KIF1A: variants seen among roughly 807,000 people sequenced by gnomAD.
The protein encoded by KIF1A is kinesin-like protein KIF1A.
In KIF1A, 46 loss-of-function variants were observed where a neutral mutation model predicts 227.3. That is an observed-to-expected ratio of 0.20 (90% CI 0.16 to 0.26). KIF1A has a LOEUF of 0.26. Among genes scored for constraint, KIF1A ranks in the 10% least tolerant of loss-of-function variants. The pLI is 1.00. For missense variants in KIF1A, 1,683 were observed against 2,485.9 expected, an observed-to-expected ratio of 0.68 and a Z score of 6.87; for synonymous variants, 1,022 against 1,012.8, an observed-to-expected ratio of 1.01 and a Z score of -0.17.
At chr2:240,720,750 G>C in intron 45 of KIF1A, 164 bp downstream of exon 45, 2 of 753,684 alleles carry the variant, frequency 2.7e-6, no homozygotes, top group Non-Finnish European at 4.1e-6. Context: ...CTCTGAGAGG[G>C]CTGCGGACTC....
intron 38 of KIF1A, 84 bp from the exon 39 acceptor site, chr2:240,727,024 G>T: frequency 2.5e-6 from 2 of 795,740 alleles, no homozygotes; most frequent in South Asian, 1.8e-5. Context: ...CAGACAGAGC[G>T]ACAGACAAGG....
rs191391909 is a variant in KIF1A, at chr2:240,786,260, G to A, written c.608+75C>T. ...GACCCTACCAAAAAGGGCCAGGACCGAGGTGAAGGGGCTTCCTCCGGGGAG... is the reference window on the plus strand; with the variant it reads ...GACCCTACCAAAAAGGGCCAGGACCAAGGTGAAGGGGCTTCCTCCGGGGAG... On this transcript the variant is annotated intron_variant, in intron 6 of 48. Transcript: ENST00000498729. 3.3e-4 allele frequency: 478 copies of A among 1,436,334 alleles called. 2 individuals are homozygous for A. The African/African-American group carries it at 5.8e-3, about 18-fold the overall frequency. 89.0% of individuals were successfully genotyped at this position (1,436,334 alleles called of 1,614,324 possible). A position where few individuals can be genotyped will look rare whatever the true frequency, so the allele number is the denominator to read the frequency against.
chr2:240,820,339 G>T (rs1455371172), upstream of KIF1A: 1 of 151,354 alleles, frequency 6.6e-6, no homozygotes, highest in African/African-American at 2.4e-5. This position sits in a 1 kb window ranked among gnomAD's most constrained non-coding sequence, Gnocchi z 6.2. Context: ...TTTGTCGCGC[G>T]GGGAGAGGGA....
At chr2:240,810,227 A>G (rs2057757180) in intron 1 of KIF1A, among the ~76,000 whole-genome samples, 1 of 152,254 alleles carries the variant, frequency 6.6e-6, no homozygotes, top group African/African-American at 2.4e-5. Context: ...TGCAACACAT[A>G]CAATTCAACG....
chr2:240,718,866 C>G, intron 47 of KIF1A, 140 bp downstream of exon 47: 2 of 676,720 alleles, frequency 3.0e-6, no homozygotes, highest in Non-Finnish European at 4.9e-6. Context: ...AGTCCCTGAG[C>G]CCAGCCTCCG....
chr2:240,720,992 G>C lies in KIF1A; in HGVS notation c.4790C>G (p.Pro1597Arg). The C allele has an allele frequency of 6.2e-7, 1 of 1,610,426 alleles. No homozygotes were observed. Among genetic ancestry groups the C allele is most frequent in the Non-Finnish European group, 8.5e-7 (1 of 1,178,916 alleles). ...VTLLRDPSMS[P>R]LGVATLTPSS... ...GGGGGTGAGAGTGGCCACCCCTAGA[G>C]GGGACATCGACGGGTCCCGGAGCAG... Residue 1597 changes from proline to arginine, a missense_variant, in exon 45 of 49, where the codon CCT (proline) becomes CGT (arginine). Physicochemically the swap from Pro to Arg is moderately radical, Grantham distance 103. Transcript: ENST00000498729.
At chr2:240,761,787 G>A (rs2050563913) in intron 23 of KIF1A, among the ~76,000 whole-genome samples, 1 of 152,236 alleles carries the variant, frequency 6.6e-6, no homozygotes, top group Non-Finnish European at 1.5e-5. Flanking sequence ...TTGTGAGTCA[G>A]GCTGAAGATC....
rs763330712 is a variant in KIF1A, at chr2:240,783,117, C to G, written c.799-8G>C. The G allele has an allele frequency of 1.9e-6, 3 of 1,612,200 alleles. No homozygotes were observed. The highest frequency in any genetic ancestry group is 3.3e-5 in the Admixed American group (2 of 60,012). The stretch of plus-strand genomic sequence containing the variant: ...GTTGATGTTGGCCCCCTCCTGCGGG[C>G]AGAAAAGACAGTGGGGTTGGGATGC... On this transcript the variant is annotated splice_region_variant and splice_polypyrimidine_tract_variant and intron_variant, in intron 8 of 48. Coordinates refer to ENST00000498729, the MANE Select transcript of KIF1A (RefSeq NM_001244008.2).
At position 240,746,073 on chromosome 2, in the gene KIF1A, G is replaced by T. The variant is rs1553630541; in HGVS notation, c.3168C>A (p.Pro1056=). 6.2e-7 allele frequency: 1 copy of T among 1,602,056 alleles called. No homozygotes were observed. The highest frequency in any genetic ancestry group is 1.1e-5 in the South Asian group (1 of 88,798). The change falls in exon 30 of 49, where the codon CCC becomes CCA. Residue 1056 remains proline, a synonymous_variant. Transcript: ENST00000498729. ...EGQGQGADVG[P]SADEVNNNTC... ...TGTTGTTGTTGACTTCATCGGCTGA[G>T]GGCCCCACGTCTGCACCCTGGCCCT...
intron 48 of KIF1A, 40 bp from the exon 49 acceptor site, chr2:240,717,446 A>G: frequency 1.3e-6 from 2 of 1,597,090 alleles, no homozygotes; most frequent in East Asian, 4.5e-5. Context: ...TCAGGCCAGG[A>G]ACACCTGCAG....
chr2:240,732,581 G>C, intron 38 of KIF1A, among the ~76,000 whole-genome samples: 1 of 117,266 alleles, frequency 8.5e-6, no homozygotes, highest in African/African-American at 3.3e-5. Flanking sequence ...GGTATGAGGG[G>C]ATGAGGGAGG....
intron 28 of KIF1A, 30 bp downstream of exon 28, chr2:240,750,399 T>C (rs986909725): frequency 3.9e-6 from 6 of 1,547,968 alleles, no homozygotes; most frequent in South Asian, 1.1e-5. Context: ...GGGGCTCCAA[T>C]GCCACACACG....
At chr2:240,813,000 CGCCTTCACCTCGGGGATCT>C (rs1332112822) in intron 1 of KIF1A, among the ~76,000 whole-genome samples, 129 of 141,268 alleles carry the variant, frequency 9.1e-4, no homozygotes, top group African/African-American at 3.2e-3. Context: ...CTCGGGGATC[CGCCTTCACCTCGGGGATCT>C]GCCTTCACCT....
Position 240,783,890 on chromosome 2 carries a change from G to A in KIF1A, c.721-74C>T, listed in dbSNP as rs150163400. The A allele has an allele frequency of 1.6e-3, 1,893 of 1,162,456 alleles. 30 individuals are homozygous for A. The African/African-American group carries it at 0.027, about 17-fold the overall frequency. The allele number at this position is 1,162,456 out of a possible 1,614,324, so 72.0% of individuals were successfully genotyped here. ...GGGCATCCCAGGACCCCTGGGCAAG[G>A]TCTCCACAGCTGTTGAAGGAGCCCT... On this transcript the variant is annotated intron_variant, in intron 7 of 48. Transcript: ENST00000498729.
In KIF1A at chr2:240,774,260, G is replaced by A. The variant is rs764792688; in HGVS notation, c.960C>T (p.Gly320=). The change falls in exon 12 of 49, where the codon GGC becomes GGT. Residue 320 remains glycine, a splice_region_variant and synonymous_variant. Coordinates refer to ENST00000498729, the MANE Select transcript of KIF1A (RefSeq NM_001244008.2). ...VLTWLLRENL[G]GNSRTAMVAA... The stretch of plus-strand genomic sequence containing the variant: ...CCACCATAGCTGTCCTTGAGTTACC[G>A]CCTGTGGGAAGAAGACCAGGTTGTG... 5 of 1,608,276 alleles carry A rather than the reference G, an allele frequency of 3.1e-6. No homozygotes were observed. Among genetic ancestry groups the A allele is most frequent in the Non-Finnish European group, 4.3e-6 (5 of 1,175,398 alleles).
chr2:240,743,332 T>C (rs975874011), intron 33 of KIF1A, among the ~76,000 whole-genome samples: 2 of 152,136 alleles, frequency 1.3e-5, no homozygotes, highest in Non-Finnish European at 1.5e-5. Flanking sequence ...GCCTGACAGC[T>C]GAGGGGAGAT....
Position 240,741,271 on chromosome 2 carries a change from G to T in KIF1A, c.3747C>A (p.Gly1249=), listed in dbSNP as rs1347922421. The change falls in exon 35 of 49, where the codon GGC becomes GGA. Residue 1249 remains glycine (G), a splice_region_variant and synonymous_variant. Transcript: ENST00000498729. The part of the protein sequence containing the change: ...YFEICELEAN[G]DYIPAVVDHR... ...GGGGCCCCAGCACCAGCACTCACTCGCCGTTGGCCTCCAGCTCACAGATCT... is the reference window on the plus strand; with the variant it reads ...GGGGCCCCAGCACCAGCACTCACTCTCCGTTGGCCTCCAGCTCACAGATCT... The T allele has an allele frequency of 1.3e-6, 2 of 1,584,286 alleles. No individual in the cohort carries two copies. The highest frequency in any genetic ancestry group is 2.3e-5 in the South Asian group (2 of 87,242).
Position 240,740,185 on chromosome 2 carries a change from G to T in KIF1A, c.3817-43C>A. Reference sequence around the variant, plus strand: ...GAGGATATGGTCAGACGGCTCAGGGGGCTACGTAGGGTGAGGGAGGGGGAC... The same window carrying T: ...GAGGATATGGTCAGACGGCTCAGGGTGCTACGTAGGGTGAGGGAGGGGGAC... On this transcript the variant is annotated intron_variant, in intron 36 of 48. Transcript: ENST00000498729. The surrounding 1 kb of genome is among the most constrained non-coding windows in gnomAD (Gnocchi z 6.1). The T allele has an allele frequency of 6.3e-7, 1 of 1,578,300 alleles. No individual in the cohort carries two copies. The highest frequency in any genetic ancestry group is 8.6e-7 in the Non-Finnish European group (1 of 1,157,016).
rs973383747 is a variant in KIF1A at position 240,789,113 on chromosome 2, C to G, written c.183+123G>C. ...CGCTCAGGGTGACCTTCCAGGGGAG[C>G]AGGGTGGGGTCCTCGCCCCAGTTAG... On this transcript the variant is annotated intron_variant, in intron 3 of 48. Coordinates refer to ENST00000498729, the MANE Select transcript of KIF1A (RefSeq NM_001244008.2). This position sits in a 1 kb window ranked among gnomAD's most constrained non-coding sequence, Gnocchi z 4.8. 5.4e-6 allele frequency: 4 copies of G among 746,630 alleles called. No individual in the cohort carries two copies. The highest frequency in any genetic ancestry group is 6.9e-6 in the Non-Finnish European group (3 of 436,014). 46.3% of individuals were successfully genotyped at this position (746,630 alleles called of 1,614,324 possible). A position where few individuals can be genotyped will look rare whatever the true frequency, so the allele number is the denominator to read the frequency against.
Sources: gnomAD v4.1 joint callset for allele counts (sites outside exome capture counted in the v4.1 genomes callset) on GRCh38, gnomAD v4.1.1 for gene constraint, Gnocchi (gnomAD v3.1) non-coding constraint, MANE v1.5 for transcripts, NCBI Gene and HGNC (gene_info 2026-07-23, HGNC 2026-07-21) for gene names.